FZD3: variants seen among roughly 807,000 people sequenced by gnomAD.
FZD3 encodes frizzled-3.
In FZD3, 30 loss-of-function variants were observed where a neutral mutation model predicts 60.7. The observed-to-expected ratio is 0.49, with a 90% confidence interval of 0.37 to 0.67. The LOEUF (loss-of-function observed/expected upper bound fraction) is 0.67, where lower values mean the gene tolerates loss of function less well. FZD3 is among the 30% of genes least tolerant of loss of function. FZD3 has a pLI of 0.00. For missense variants in FZD3, 605 were observed against 838.7 expected (o/e 0.72, Z 3.44); for synonymous variants, 246 against 275.2 (o/e 0.89, Z 1.05).
chr8:28,538,898 G>A (rs1259083529), intron 5 of FZD3, among the ~76,000 whole-genome samples: 2 of 150,744 alleles, frequency 1.3e-5, no homozygotes, highest in African/African-American at 4.9e-5. Flanking sequence ...GATAGTTGCT[G>A]GAGAAGCAAC....
At position 28,567,585 on chromosome 8, in the gene FZD3, A is replaced by G. The variant is rs1286628766; in HGVS notation, c.*4574A>G. 1 of 152,152 alleles carries G rather than the reference A, an allele frequency of 6.6e-6. No homozygotes were observed. The highest frequency in any genetic ancestry group is 1.5e-5 in the Non-Finnish European group (1 of 68,042). 9.4% of individuals were successfully genotyped at this position (152,152 alleles called of 1,614,324 possible). Reference sequence around the variant, plus strand: ...ATCCATAAATTGTTCTACTGATACCATTTGGTTTTGTTAGAATTTGGGGGG... The same window carrying G: ...ATCCATAAATTGTTCTACTGATACCGTTTGGTTTTGTTAGAATTTGGGGGG... On this transcript the variant is annotated 3_prime_UTR_variant, in exon 8 of 8. Transcript: ENST00000240093.
chr8:28,506,369 A>G (rs774474822), intron 3 of FZD3, among the ~76,000 whole-genome samples: 7 of 152,108 alleles, frequency 4.6e-5, no homozygotes, highest in Admixed American at 2.6e-4. Context: ...TTTTCCTGCC[A>G]TTTTATAGGG....
rs144973557 is a variant in FZD3 at position 28,526,963 on chromosome 8, A to G, written c.387-184A>G. Among the ~76,000 whole-genome samples the G allele has an allele frequency of 2.8e-3, 419 of 152,262 alleles. 3 individuals are homozygous for G. Among genetic ancestry groups the G allele is most frequent in the Non-Finnish European group, 4.6e-3 (315 of 68,006 alleles). ...ACATACAACTAGTATTTTTTGCTCA[A>G]CTGTCGAAAATCTAGTTGTATGGAC... On this transcript the variant is annotated intron_variant, in intron 4 of 7. Coordinates refer to ENST00000240093, the MANE Select transcript of FZD3 (RefSeq NM_017412.4).
chr8:28,515,086 T>C (rs1730840671), intron 3 of FZD3, among the ~76,000 whole-genome samples: 1 of 152,228 alleles, frequency 6.6e-6, no homozygotes. Flanking sequence ...TTTCTTCACA[T>C]GTATTGTAAA....
At chr8:28,543,667 CACCGT>C (rs1276361908) in intron 5 of FZD3, among the ~76,000 whole-genome samples, 1 of 151,810 alleles carries the variant, frequency 6.6e-6, no homozygotes, top group Non-Finnish European at 1.5e-5. Context: ...AGGCATGAGT[CACCGT>C]GCCTGGCCCA....
intron 5 of FZD3, among the ~76,000 whole-genome samples, chr8:28,538,871 ATATAT>A (rs1805088905): frequency 1.3e-5 from 2 of 149,578 alleles, no homozygotes; most frequent in Non-Finnish European, 3.0e-5. Flanking sequence ...TATATATATA[ATATAT>A]TTTGGCATAT....
At position 28,572,055 on chromosome 8, in the gene FZD3, T is replaced by C. The variant is rs1456878928; in HGVS notation, c.*9044T>C. On this transcript the variant is annotated 3_prime_UTR_variant, in exon 8 of 8. Coordinates refer to ENST00000240093, the MANE Select transcript of FZD3 (RefSeq NM_017412.4). ...TTAATGTGAGGTGTTTTTTGAGGCT[T>C]TTTTGTTTTATCTTGTTTTCTTAAC... The C allele has an allele frequency of 6.6e-6, 1 of 152,148 alleles. No individual in the cohort carries two copies. The highest frequency in any genetic ancestry group is 1.5e-5 in the Non-Finnish European group (1 of 68,022). The allele number at this position is 152,148 out of a possible 1,614,324, so 9.4% of individuals were successfully genotyped here.
In FZD3 at chr8:28,564,804, T is replaced by G. The variant is rs1019407742; in HGVS notation, c.*1793T>G. 2 of 152,236 alleles carry G rather than the reference T, an allele frequency of 1.3e-5. No individual in the cohort carries two copies. The highest frequency in any genetic ancestry group is 4.8e-5 in the African/African-American group (2 of 41,458). The allele number at this position is 152,236 out of a possible 1,614,324, so 9.4% of individuals were successfully genotyped here. A position where few individuals can be genotyped will look rare whatever the true frequency, so the allele number is the denominator to read the frequency against. On this transcript the variant is annotated 3_prime_UTR_variant, in exon 8 of 8. Coordinates refer to ENST00000240093, the MANE Select transcript of FZD3 (RefSeq NM_017412.4). The stretch of plus-strand genomic sequence containing the variant: ...GGCTCTGCCTTATGCTATTATAGTT[T>G]ATGACCTTTAACAATTTAACTCTCC...
chr8:28,502,633 A>T (rs1485320986), intron 2 of FZD3, 37 bp from the exon 3 acceptor site: 2 of 156,912 alleles, frequency 1.3e-5, no homozygotes, highest in African/African-American at 4.8e-5. Context: ...AGAGGAAATG[A>T]CTAATTTCTC....
intron 4 of FZD3, among the ~76,000 whole-genome samples, chr8:28,521,892 A>G (rs889612086): frequency 3.3e-5 from 5 of 152,024 alleles, no homozygotes; most frequent in African/African-American, 1.2e-4. Flanking sequence ...TTTCTCCTTC[A>G]TATTTAAAAA....
intron 4 of FZD3, among the ~76,000 whole-genome samples, chr8:28,525,443 G>A (rs1804692214): frequency 6.6e-6 from 1 of 152,198 alleles, no homozygotes; most frequent in Non-Finnish European, 1.5e-5. Flanking sequence ...TGAATGAAGT[G>A]AGAAAACAAA....
intron 5 of FZD3, among the ~76,000 whole-genome samples, chr8:28,551,140 A>G (rs958093291): frequency 2.6e-5 from 4 of 152,166 alleles, no homozygotes; most frequent in Non-Finnish European, 2.9e-5. Flanking sequence ...TTTATTGCCA[A>G]ATTTTCAGGA....
intron 3 of FZD3, among the ~76,000 whole-genome samples, chr8:28,515,654 C>G (rs551932255): frequency 2.0e-5 from 3 of 152,298 alleles, no homozygotes; most frequent in Non-Finnish European, 2.9e-5. Context: ...AGGTCATACA[C>G]CAGTAAAACG....
intron 3 of FZD3, among the ~76,000 whole-genome samples, chr8:28,519,612 C>T (rs556534383): frequency 1.3e-5 from 2 of 151,886 alleles, no homozygotes; most frequent in Admixed American, 6.6e-5. Flanking sequence ...TGCCTGTAGT[C>T]CCAGCTACTC....
At chr8:28,544,163 A>G (rs576141305) in intron 5 of FZD3, among the ~76,000 whole-genome samples, 9 of 152,214 alleles carry the variant, frequency 5.9e-5, no homozygotes, top group African/African-American at 2.2e-4. Flanking sequence ...ACATTTTTGA[A>G]TATTTATTAG....
At chr8:28,499,524 A>G (rs140598552) in intron 1 of FZD3, among the ~76,000 whole-genome samples, 523 of 152,256 alleles carry the variant, frequency 3.4e-3, no homozygotes, top group African/African-American at 0.012. Flanking sequence ...GTGTTTACTT[A>G]GAATAATAAG....
intron 6 of FZD3, among the ~76,000 whole-genome samples, 171 bp from the exon 7 acceptor site, chr8:28,555,567 G>C (rs1382439660): frequency 1.3e-5 from 2 of 152,136 alleles, no homozygotes; most frequent in African/African-American, 4.8e-5. Context: ...GATTGACATA[G>C]ATTGTTGTTC....
At chr8:28,559,650 G>A (rs981083392) in intron 7 of FZD3, among the ~76,000 whole-genome samples, 2 of 152,210 alleles carry the variant, frequency 1.3e-5, no homozygotes, top group Admixed American at 6.5e-5. Flanking sequence ...ACTCTTGGCT[G>A]TACCCAGAAC....
chr8:28,520,584 C>T lies in FZD3; in HGVS notation c.190-54C>T, dbSNP rs1483149792. On this transcript the variant is annotated intron_variant, in intron 3 of 7. Transcript: ENST00000240093. ...GAGAATGTTGCAGTATTATAGAAAG[C>T]TTTAACTTGTATACAGCTCTTTAAC... is the stretch of plus-strand genomic sequence containing the variant. 5.9e-6 allele frequency: 6 copies of T among 1,008,668 alleles called. No individual in the cohort carries two copies. The Admixed American group carries it at 8.2e-5, about 14-fold the overall frequency. 62.5% of individuals were successfully genotyped at this position (1,008,668 alleles called of 1,614,324 possible).
Sources: gnomAD v4.1 joint callset for allele counts (sites outside exome capture counted in the v4.1 genomes callset) on GRCh38, gnomAD v4.1.1 for gene constraint, MANE v1.5 for transcripts, NCBI Gene and HGNC (gene_info 2026-07-23, HGNC 2026-07-21) for gene names.